The following VGLL4 variants were observed in gnomAD, a reference collection of about 807,000 sequenced individuals.
VGLL4 encodes transcription cofactor vestigial-like protein 4.
A neutral mutation model predicts 21.0 loss-of-function variants in VGLL4; 7 were observed. The observed-to-expected ratio is 0.33, with a 90% CI of 0.19 to 0.63. The LOEUF (loss-of-function observed/expected upper bound fraction) is 0.63, where lower values mean the gene tolerates loss of function less well. Among genes scored for constraint, VGLL4 ranks in the 20% least tolerant of loss-of-function variants. The probability of loss-of-function intolerance (pLI) is 0.78; values close to 1 mark genes in which losing one functional copy is unlikely to be tolerated. For synonymous variants in VGLL4, 222 were observed against 173.2 expected (o/e 1.28, Z -2.21); for missense variants, 394 against 425.7 (o/e 0.93, Z 0.66).
upstream of VGLL4, among the ~76,000 whole-genome samples, chr3:11,646,282 CA>C (rs1452619623): frequency 2.0e-5 from 3 of 152,170 alleles, no homozygotes; most frequent in Non-Finnish European, 4.4e-5. Context: ...CAAACAATAT[CA>C]GGTATCAGAT....
chr3:11,700,535 C>T (rs1362593362), intron 2 of VGLL4, among the ~76,000 whole-genome samples: 1 of 152,146 alleles, frequency 6.6e-6, no homozygotes, highest in Non-Finnish European at 1.5e-5. Context: ...CTTTTTCTCC[C>T]TTCACCCCCA....
At chr3:11,633,998 T>C (rs2075537929) in intron 1 of VGLL4, among the ~76,000 whole-genome samples, 1 of 152,138 alleles carries the variant, frequency 6.6e-6, no homozygotes, top group Admixed American at 6.5e-5. Context: ...GGAGACCTCG[T>C]AAGAGAGGAG....
At chr3:11,561,411 TG>T (rs1166432021) in intron 3 of VGLL4, among the ~76,000 whole-genome samples, 1 of 152,188 alleles carries the variant, frequency 6.6e-6, no homozygotes, top group Non-Finnish European at 1.5e-5. Context: ...TGACCTGAGC[TG>T]GGGCGAATTG....
chr3:11,655,078 A>G (rs1389895664), intron 2 of VGLL4, among the ~76,000 whole-genome samples: 1 of 152,206 alleles, frequency 6.6e-6, no homozygotes, highest in Non-Finnish European at 1.5e-5. Context: ...AAATCCACCC[A>G]CTATTAGAGC....
intron 2 of VGLL4, among the ~76,000 whole-genome samples, chr3:11,598,277 C>A (rs2074696775): frequency 6.6e-6 from 1 of 152,040 alleles, no homozygotes; most frequent in Non-Finnish European, 1.5e-5. Context: ...TCCGCCCACC[C>A]TGGCCTCCCA....
intron 2 of VGLL4, among the ~76,000 whole-genome samples, chr3:11,587,976 A>G (rs2074399142): frequency 6.6e-6 from 1 of 152,166 alleles, no homozygotes; most frequent in African/African-American, 2.4e-5. Context: ...TGTTTTCAAG[A>G]GCTTAGCAGG....
At chr3:11,686,959 T>C (rs1243025559) in intron 2 of VGLL4, among the ~76,000 whole-genome samples, 1 of 152,156 alleles carries the variant, frequency 6.6e-6, no homozygotes, top group Non-Finnish European at 1.5e-5. Flanking sequence ...CCCATGAAAT[T>C]TGTTTATATA....
chr3:11,604,445 G>A (rs1305662230), intron 1 of VGLL4: 5 of 957,244 alleles, frequency 5.2e-6, no homozygotes, highest in Admixed American at 6.7e-5. Flanking sequence ...AAAAGAATCC[G>A]CACATAAGGT....
In VGLL4 at chr3:11,650,713, T is replaced by C. The variant is rs574151024; in HGVS notation, c.65-48691A>G. Among the ~76,000 whole-genome samples the C allele has an allele frequency of 3.5e-3, 415 of 119,190 alleles. 1 individual carries two copies. The highest frequency in any genetic ancestry group is 9.5e-3 in the Admixed American group (102 of 10,790). The allele number at this position is 119,190 out of a possible 152,430, so 78.2% of individuals were successfully genotyped here. A position where few individuals can be genotyped will look rare whatever the true frequency, so the allele number is the denominator to read the frequency against. On this transcript the variant is annotated intron_variant, in intron 2 of 5. Transcript: ENST00000273038. ...GCTTTTTTTCTCTTCTTGCTACACA[T>C]AGAAAACACACACACACACACACAC...
intron 2 of VGLL4, among the ~76,000 whole-genome samples, chr3:11,667,842 CTTTTTTTTT>C (rs746416276): frequency 2.0e-4 from 14 of 69,336 alleles, no homozygotes; most frequent in African/African-American, 8.4e-4. Flanking sequence ...CTATCTTCTT[CTTTTTTTTT>C]TTTTTTTTTT....
intron 2 of VGLL4, among the ~76,000 whole-genome samples, chr3:11,664,634 T>G (rs1395674111): frequency 1.3e-5 from 2 of 152,208 alleles, no homozygotes; most frequent in African/African-American, 2.4e-5. Context: ...GACTGTGCAG[T>G]AAGGGGTCAC....
At chr3:11,566,190 A>G (rs772271418) in intron 2 of VGLL4, among the ~76,000 whole-genome samples, 1 of 152,166 alleles carries the variant, frequency 6.6e-6, no homozygotes, top group Non-Finnish European at 1.5e-5. Context: ...GCATGCACAC[A>G]GAATGTTACA....
chr3:11,644,904 A>G (rs1575489802), upstream of VGLL4, among the ~76,000 whole-genome samples: 2 of 151,908 alleles, frequency 1.3e-5, no homozygotes, highest in East Asian at 3.8e-4. Context: ...AAGAGATGGA[A>G]GAGTGTTTAA....
chr3:11,683,001 G>A (rs1256199790), intron 2 of VGLL4, among the ~76,000 whole-genome samples: 5 of 152,104 alleles, frequency 3.3e-5, no homozygotes, highest in Admixed American at 2.6e-4. Flanking sequence ...GCCGAGGTGG[G>A]CAGATCACCT....
Position 11,609,537 on chromosome 3 carries a change from T to A in VGLL4, c.83-7515A>T, listed in dbSNP as rs554934990. ...CCAGCTGAAACCTGGACAAATAGAA[T>A]CTGGTTCACCAAATGCAGATTCGAT... is the stretch of plus-strand genomic sequence containing the variant. On this transcript the variant is annotated intron_variant, in intron 1 of 4. Transcript: ENST00000430365. Among the ~76,000 whole-genome samples, 11 of 152,354 alleles carry A rather than the reference T, an allele frequency of 7.2e-5. No individual in the cohort carries two copies. The East Asian group carries it at 2.1e-3, about 29-fold the overall frequency.
At chr3:11,676,018 C>G (rs964372938) in intron 2 of VGLL4, among the ~76,000 whole-genome samples, 2 of 152,134 alleles carry the variant, frequency 1.3e-5, no homozygotes, top group Non-Finnish European at 2.9e-5. Flanking sequence ...TAGTTACACA[C>G]CATATGTGAC....
rs532582230 is a variant in VGLL4 at position 11,593,981 on chromosome 3, G to A, written c.272+7852C>T. Among the ~76,000 whole-genome samples, 8 of 152,300 alleles carry A rather than the reference G, an allele frequency of 5.3e-5. 1 individual carries two copies. The highest frequency in any genetic ancestry group is 1.2e-4 in the African/African-American group (5 of 41,556). On this transcript the variant is annotated intron_variant, in intron 2 of 4. Transcript: ENST00000430365. ...AGGGGCTCTGCCCTATTCTGTGGCC[G>A]GGGGCAAATACACTGTAAATATATA...
In VGLL4 at chr3:11,589,691, T is replaced by C. The variant is rs2074439582; in HGVS notation, c.272+12142A>G. The stretch of plus-strand genomic sequence containing the variant: ...TTTGTTTTCTCACAGTCCTGAAGGC[T>C]GGCAGTCTGAGATTCGGACGCCAGC... On this transcript the variant is annotated intron_variant, in intron 2 of 4. Coordinates refer to ENST00000430365, the MANE Select transcript of VGLL4 (RefSeq NM_001128219.3). 2.0e-5 allele frequency among the ~76,000 whole-genome samples: 3 copies of C among 152,242 alleles called. No homozygotes were observed. In the South Asian group the frequency reaches 6.2e-4, roughly 32 times the overall value.
intron 2 of VGLL4, among the ~76,000 whole-genome samples, chr3:11,700,432 A>G (rs2125402613): frequency 6.6e-6 from 1 of 152,340 alleles, no homozygotes; most frequent in Non-Finnish European, 1.5e-5. Context: ...GTCTGCAAAT[A>G]GCTATTCAAA....
Sources: gnomAD v4.1 joint callset for allele counts (sites outside exome capture counted in the v4.1 genomes callset) on GRCh38, gnomAD v4.1.1 for gene constraint, MANE v1.5 for transcripts, NCBI Gene and HGNC (gene_info 2026-07-23, HGNC 2026-07-21) for gene names.